The following ERBB4 variants were observed in gnomAD, a reference collection of about 807,000 sequenced individuals.
ERBB4 encodes receptor tyrosine-protein kinase erbB-4.
A neutral mutation model predicts 158.0 loss-of-function variants in ERBB4; 42 were observed. The ratio of observed to expected loss-of-function variants is 0.27; its 90% confidence interval spans 0.21 to 0.34. The LOEUF (loss-of-function observed/expected upper bound fraction) is 0.34. Among genes scored for constraint, ERBB4 ranks in the 10% least tolerant of loss-of-function variants. ERBB4 has a pLI of 1.00. For missense variants in ERBB4, 1,333 were observed against 1,624.1 expected, an observed-to-expected ratio of 0.82 and a Z score of 3.08; for synonymous variants, 583 against 558.7, an observed-to-expected ratio of 1.04 and a Z score of -0.61.
intron 1 of ERBB4, among the ~76,000 whole-genome samples, chr2:212,400,116 A>G (rs2091158767): frequency 6.6e-6 from 1 of 152,204 alleles, no homozygotes; most frequent in East Asian, 1.9e-4. Flanking sequence ...ATGTGTGGTT[A>G]GAAAGATGAC....
Position 211,382,639 on chromosome 2 carries a change from T to G in ERBB4, c.*976A>C, listed in dbSNP as rs1201876427. On this transcript the variant is annotated 3_prime_UTR_variant, in exon 28 of 28. Coordinates refer to ENST00000342788, the MANE Select transcript of ERBB4 (RefSeq NM_005235.3). ...GCCACCCCTGAAAGTATCAGTAGTTTTCCTGAACCACAGAGAACTGTCTCT... is the reference window on the plus strand; with the variant it reads ...GCCACCCCTGAAAGTATCAGTAGTTGTCCTGAACCACAGAGAACTGTCTCT... 1 of 232,830 alleles carries G rather than the reference T, an allele frequency of 4.3e-6. No individual in the cohort carries two copies. The highest frequency in any genetic ancestry group is 8.5e-6 in the Non-Finnish European group (1 of 117,776). 14.4% of individuals were successfully genotyped at this position (232,830 alleles called of 1,614,324 possible). A position where few individuals can be genotyped will look rare whatever the true frequency, so the allele number is the denominator to read the frequency against.
At chr2:211,444,523 T>C (rs542971739) in intron 20 of ERBB4, among the ~76,000 whole-genome samples, 1 of 152,176 alleles carries the variant, frequency 6.6e-6, no homozygotes, top group South Asian at 2.1e-4. Flanking sequence ...CAAATGAAAA[T>C]CAGGGACACC....
intron 4 of ERBB4, among the ~76,000 whole-genome samples, chr2:211,756,470 A>G (rs1168854934): frequency 2.0e-5 from 3 of 152,192 alleles, no homozygotes; most frequent in Non-Finnish European, 4.4e-5. Context: ...TGAGCTTACA[A>G]AGTATCACGA....
At chr2:211,584,730 A>G (rs918412989) in intron 19 of ERBB4, among the ~76,000 whole-genome samples, 3 of 151,764 alleles carry the variant, frequency 2.0e-5, no homozygotes, top group African/African-American at 2.4e-5. Flanking sequence ...AATGTATCCT[A>G]ACTTTAAATA....
intron 3 of ERBB4, among the ~76,000 whole-genome samples, chr2:211,829,946 A>C (rs189349302): frequency 6.6e-6 from 1 of 152,234 alleles, no homozygotes; most frequent in African/African-American, 2.4e-5. Context: ...TATGACTGCT[A>C]CTCCAATCAC....
intron 20 of ERBB4, among the ~76,000 whole-genome samples, chr2:211,534,792 C>T (rs78861938): frequency 0.024 from 3,698 of 152,048 alleles, 143 homozygotes; most frequent in African/African-American, 0.084. Flanking sequence ...AATAGGCAGA[C>T]GAAAACAGAT....
chr2:211,483,773 C>T (rs73069163), intron 20 of ERBB4, among the ~76,000 whole-genome samples: 14,729 of 151,960 alleles, frequency 0.097, 2,045 homozygotes, highest in African/African-American at 0.31. Context: ...CTGGTGATGG[C>T]CATCCTGACT....
intron 27 of ERBB4, among the ~76,000 whole-genome samples, chr2:211,386,405 G>T (rs1384408020): frequency 1.3e-5 from 2 of 152,126 alleles, no homozygotes; most frequent in African/African-American, 4.8e-5. Flanking sequence ...TCATTTAAAT[G>T]AGTCAAACAA....
intron 2 of ERBB4, among the ~76,000 whole-genome samples, chr2:212,113,131 G>A (rs1275222153): frequency 1.3e-5 from 2 of 152,084 alleles, no homozygotes; most frequent in Non-Finnish European, 2.9e-5. Flanking sequence ...CGAATTTGGG[G>A]GAGCATGTTA....
intron 1 of ERBB4, among the ~76,000 whole-genome samples, chr2:212,204,816 CTTT>C (rs369446940): frequency 4.1e-5 from 5 of 122,180 alleles, no homozygotes; most frequent in Admixed American, 9.0e-5. Flanking sequence ...TATATGAAAA[CTTT>C]TTTTTTTTTT....
Position 212,239,434 on chromosome 2 carries a change from G to T in ERBB4, c.83-114531C>A, listed in dbSNP as rs553534040. ...TGAATGTTACATGGTACAATTTGTA[G>T]CAAAGTGTTTTGTAGGGAGTAAATC... On this transcript the variant is annotated intron_variant, in intron 1 of 27. Coordinates refer to ENST00000342788, the MANE Select transcript of ERBB4 (RefSeq NM_005235.3). Among the ~76,000 whole-genome samples the T allele has an allele frequency of 1.1e-4, 16 of 152,300 alleles. No homozygotes were observed. In the East Asian group the frequency reaches 3.1e-3, roughly 29 times the overall value.
chr2:212,430,370 T>C (rs1167960050), intron 1 of ERBB4, among the ~76,000 whole-genome samples: 1 of 151,830 alleles, frequency 6.6e-6, no homozygotes, highest in East Asian at 1.9e-4. Flanking sequence ...TTCCATAAAA[T>C]GAAAAATTGC....
At chr2:212,513,594 A>G (rs938418397) in intron 1 of ERBB4, among the ~76,000 whole-genome samples, 13 of 152,120 alleles carry the variant, frequency 8.5e-5, no homozygotes, top group African/African-American at 3.1e-4. Context: ...GGGTGGATCA[A>G]GAGGTCAGGA....
At position 211,994,870 on chromosome 2, in the gene ERBB4, C is replaced by A. The variant is rs116687105; in HGVS notation, c.235-47254G>T. On this transcript the variant is annotated intron_variant, in intron 2 of 27. Coordinates refer to ENST00000342788, the MANE Select transcript of ERBB4 (RefSeq NM_005235.3). ...ATGGAAATTATTTTGCAAAAACACACTCCCTAATGCTTCATGCAGTTGTGC... is the reference window on the plus strand; with the variant it reads ...ATGGAAATTATTTTGCAAAAACACAATCCCTAATGCTTCATGCAGTTGTGC... Among the ~76,000 whole-genome samples, 877 of 152,312 alleles carry A rather than the reference C, an allele frequency of 5.8e-3. 7 individuals are homozygous for A. Among genetic ancestry groups the A allele is most frequent in the African/African-American group, 0.02 (825 of 41,580 alleles).
At chr2:212,176,307 G>GTGGA (rs1434139521) in intron 1 of ERBB4, among the ~76,000 whole-genome samples, 1 of 151,902 alleles carries the variant, frequency 6.6e-6, no homozygotes, top group Non-Finnish European at 1.5e-5. Context: ...GTATTTCAGG[G>GTGGA]TGGAGTCTTT....
intron 3 of ERBB4, among the ~76,000 whole-genome samples, chr2:211,852,693 T>C (rs2077749619): frequency 1.2e-5 from 1 of 83,182 alleles, no homozygotes; most frequent in Non-Finnish European, 2.6e-5. Context: ...CTTCAATAGA[T>C]ACACAAAACT....
intron 2 of ERBB4, among the ~76,000 whole-genome samples, chr2:212,003,180 A>G (rs757674521): frequency 4.0e-4 from 21 of 52,316 alleles, no homozygotes; most frequent in Non-Finnish European, 8.1e-4. Flanking sequence ...AAAGAAAGAA[A>G]GAAAGAAAGA....
chr2:212,500,144 GAGTAAAAGGAT>G (rs1373223101), intron 1 of ERBB4, among the ~76,000 whole-genome samples: 1 of 152,082 alleles, frequency 6.6e-6, no homozygotes, highest in Non-Finnish European at 1.5e-5. Context: ...TTGATCAAAT[GAGTAAAAGGAT>G]ATAGACTGCC....
chr2:211,470,550 TTTTAAA>T (rs1297165295), intron 20 of ERBB4, among the ~76,000 whole-genome samples: 2 of 152,200 alleles, frequency 1.3e-5, no homozygotes, highest in East Asian at 1.9e-4. Flanking sequence ...TTATTTAATT[TTTTAAA>T]TTTAATTGTT....
Sources: allele counts gnomAD v4.1 joint callset (sites outside exome capture counted in the v4.1 genomes callset), GRCh38; gene constraint gnomAD v4.1.1; transcripts MANE v1.5; gene names NCBI Gene and HGNC (gene_info 2026-07-23, HGNC 2026-07-21).